Variants in PHACTR1 observed in about 807,000 individuals in gnomAD.
PHACTR1 encodes phosphatase and actin regulator 1.
In PHACTR1, 16 loss-of-function variants were observed where a neutral mutation model predicts 69.2. The ratio of observed to expected loss-of-function variants is 0.23; its 90% confidence interval spans 0.16 to 0.35. The LOEUF is 0.35. Ranked by LOEUF, PHACTR1 falls within the 10% of genes least tolerant of loss-of-function variation. The probability of loss-of-function intolerance (pLI) is 1.00; values close to 1 mark genes in which losing one functional copy is unlikely to be tolerated. For synonymous variants in PHACTR1, 312 were observed against 284.5 expected (o/e 1.10, Z -0.97); for missense variants, 510 against 734.7 (o/e 0.69, Z 3.54).
chr6:12,850,162 C>G (rs1318906323), intron 4 of PHACTR1, among the ~76,000 whole-genome samples: 1 of 152,178 alleles, frequency 6.6e-6, no homozygotes, highest in Non-Finnish European at 1.5e-5. Context: ...CTCTTTATCT[C>G]TACTCCCTAT....
At chr6:13,130,184 T>C (rs973585229) in intron 5 of PHACTR1, among the ~76,000 whole-genome samples, 5 of 152,132 alleles carry the variant, frequency 3.3e-5, no homozygotes, top group African/African-American at 4.8e-5. Flanking sequence ...ATAGCCTATG[T>C]CAAAAAGTCT....
intron 5 of PHACTR1, among the ~76,000 whole-genome samples, chr6:13,150,686 T>C (rs1824170562): frequency 6.6e-6 from 1 of 152,196 alleles, no homozygotes; most frequent in Non-Finnish European, 1.5e-5. Context: ...TTAACTTCCT[T>C]ATGACATAAA....
Position 13,053,439 on chromosome 6 carries a change from A to C in PHACTR1, c.325A>C (p.Arg109=), listed in dbSNP as rs768862334. The change falls in exon 5 of 15, where the codon AGG becomes CGG. Residue 109 remains arginine (R), a synonymous_variant. Coordinates refer to ENST00000332995, the MANE Select transcript of PHACTR1 (RefSeq NM_030948.6). ...VPGTHTPPIR[R]RSKFANLGRI... ...AGGCACCCACACCCCACCCATCCGC[A>C]GGAGAAGTAAGTTTGCCAACCTGGG... 1 of 1,613,834 alleles carries C rather than the reference A, an allele frequency of 6.2e-7. No homozygotes were observed. The highest frequency in any genetic ancestry group is 1.3e-5 in the African/African-American group (1 of 75,042).
At chr6:13,025,406 C>G (rs189019813) in intron 4 of PHACTR1, among the ~76,000 whole-genome samples, 1 of 152,174 alleles carries the variant, frequency 6.6e-6, no homozygotes, top group Non-Finnish European at 1.5e-5. Context: ...GGAGATTGCT[C>G]TGGTTTAGGC....
At chr6:12,937,919 G>A (rs139547824) in intron 4 of PHACTR1, among the ~76,000 whole-genome samples, 257 of 152,276 alleles carry the variant, frequency 1.7e-3, no homozygotes, top group Non-Finnish European at 2.9e-3. Flanking sequence ...TGGCCAACAC[G>A]TGAAATCCCA....
rs1469998053 is a variant in PHACTR1, at chr6:13,182,960, TA to T, written c.664+278del. Reference sequence around the variant, plus strand: ...GCTTATTTTTGTAACATTAATGATTTAAAATATTATTATTTTGTTTTTTAAC... The same window carrying T: ...GCTTATTTTTGTAACATTAATGATTTAAATATTATTATTTTGTTTTTTAAC... On this transcript the variant is annotated intron_variant, in intron 7 of 14. Coordinates refer to ENST00000332995, the MANE Select transcript of PHACTR1 (RefSeq NM_030948.6). Among the ~76,000 whole-genome samples the T allele has an allele frequency of 3.9e-5, 6 of 152,240 alleles. No individual in the cohort carries two copies. In the East Asian group the frequency reaches 9.6e-4, roughly 24 times the overall value.
chr6:13,243,455 G>A (rs894870321), intron 10 of PHACTR1, among the ~76,000 whole-genome samples: 2 of 152,018 alleles, frequency 1.3e-5, no homozygotes, highest in Non-Finnish European at 2.9e-5. Flanking sequence ...CTAAACCTTG[G>A]TTAAAAGGTG....
chr6:12,917,439 T>C (rs1405658560), intron 4 of PHACTR1, among the ~76,000 whole-genome samples: 1 of 152,104 alleles, frequency 6.6e-6, no homozygotes, highest in Non-Finnish European at 1.5e-5. Flanking sequence ...CTCCCTTTGG[T>C]CAACCCCAAG....
At chr6:13,016,919 G>C (rs1455895764) in intron 4 of PHACTR1, among the ~76,000 whole-genome samples, 1 of 152,150 alleles carries the variant, frequency 6.6e-6, no homozygotes, top group Non-Finnish European at 1.5e-5. Flanking sequence ...GGGCGCGGTG[G>C]CTCACGCCTG....
intron 10 of PHACTR1, among the ~76,000 whole-genome samples, chr6:13,264,431 A>C (rs1776325430): frequency 2.6e-5 from 4 of 152,104 alleles, no homozygotes; most frequent in Admixed American, 2.6e-4. Context: ...AAAAAAATAA[A>C]ATTTGGGCTG....
chr6:13,154,124 C>T (rs540789730), intron 5 of PHACTR1, among the ~76,000 whole-genome samples: 24 of 152,070 alleles, frequency 1.6e-4, no homozygotes, highest in African/African-American at 4.1e-4. Flanking sequence ...AGCATCCCCT[C>T]GTGTGGACAC....
At chr6:13,065,529 T>A (rs569349874) in intron 5 of PHACTR1, among the ~76,000 whole-genome samples, 1 of 151,884 alleles carries the variant, frequency 6.6e-6, no homozygotes, top group Non-Finnish European at 1.5e-5. Flanking sequence ...GGGATTTAGA[T>A]AGCATGTGGT....
rs1446644238 is a variant in PHACTR1 at position 13,182,531 on chromosome 6, C to G, written c.509C>G (p.Ser170Cys). Residue 170 changes from serine (S) to cysteine (C), a missense_variant, in exon 7 of 15, where the codon TCT (serine) becomes TGT (cysteine). Coordinates refer to ENST00000332995, the MANE Select transcript of PHACTR1 (RefSeq NM_030948.6). ...KEIYDKDGEL[S>C]ISNEEDSLEN... is the part of the protein sequence containing the mutation. ...TTCTCTCTGACAGATGGGGAACTCT[C>G]TATATCCAATGAAGAGGACTCCCTA... 3 of 1,613,812 alleles carry G rather than the reference C, an allele frequency of 1.9e-6. No individual in the cohort carries two copies. Among genetic ancestry groups the G allele is most frequent in the Non-Finnish European group, 8.5e-7 (1 of 1,179,852 alleles).
intron 5 of PHACTR1, among the ~76,000 whole-genome samples, chr6:13,136,540 T>C (rs74871748): frequency 6.6e-6 from 1 of 152,396 alleles, no homozygotes; most frequent in Non-Finnish European, 1.5e-5. Flanking sequence ...TTATCATTCA[T>C]GTATTCACTG....
intron 3 of PHACTR1, among the ~76,000 whole-genome samples, chr6:12,736,940 C>T (rs1016397166): frequency 1.1e-4 from 16 of 151,862 alleles, no homozygotes; most frequent in Admixed American, 3.9e-4. Context: ...TGTACATACG[C>T]ACATAAAATA....
chr6:12,725,199 C>T (rs781730321), intron 3 of PHACTR1, among the ~76,000 whole-genome samples: 5 of 152,164 alleles, frequency 3.3e-5, no homozygotes, highest in African/African-American at 9.7e-5. Context: ...TCTGTGAAAT[C>T]GGTCAGAGCA....
chr6:12,975,826 C>T (rs552344394), intron 4 of PHACTR1, among the ~76,000 whole-genome samples: 9 of 152,334 alleles, frequency 5.9e-5, no homozygotes, highest in African/African-American at 1.9e-4. Flanking sequence ...CTCAAGTAAT[C>T]CTCCTGCCTC....
At chr6:13,046,286 G>GAGTAAT (rs1209020856) in intron 4 of PHACTR1, among the ~76,000 whole-genome samples, 1 of 152,074 alleles carries the variant, frequency 6.6e-6, no homozygotes, top group East Asian at 1.9e-4. Flanking sequence ...CATCCCCACC[G>GAGTAAT]GGACTTGCAT....
At chr6:13,279,130 A>G (rs747734826) in intron 12 of PHACTR1, among the ~76,000 whole-genome samples, 2 of 151,606 alleles carry the variant, frequency 1.3e-5, no homozygotes, top group Non-Finnish European at 2.9e-5. Flanking sequence ...TGACAAATTT[A>G]AAGCAGATGT....
Sources: allele counts gnomAD v4.1 joint callset (sites outside exome capture counted in the v4.1 genomes callset), GRCh38; gene constraint gnomAD v4.1.1; transcripts MANE v1.5; gene names NCBI Gene and HGNC (gene_info 2026-07-23, HGNC 2026-07-21).